CCSER1: variants seen among roughly 807,000 people sequenced by gnomAD.
CCSER1 encodes serine-rich coiled-coil domain-containing protein 1.
Under a neutral mutation model 82.0 loss-of-function variants are expected in CCSER1, and 41 were observed. That is an observed-to-expected ratio of 0.50 (90% CI 0.39 to 0.65). The LOEUF (loss-of-function observed/expected upper bound fraction) is 0.65. Among genes scored for constraint, CCSER1 ranks in the 30% least tolerant of loss-of-function variants. The pLI is 0.00. For synonymous variants in CCSER1, 414 were observed against 383.9 expected (o/e 1.08, Z -0.92); for missense variants, 1,119 against 1,064.2 (o/e 1.05, Z -0.72).
intron 1 of CCSER1, among the ~76,000 whole-genome samples, chr4:90,181,248 C>A (rs1733680467): frequency 6.6e-6 from 1 of 152,076 alleles, no homozygotes. Flanking sequence ...TTTCCTTGTA[C>A]AAAGTAAGCA....
chr4:90,495,240 A>G (rs1253779720), intron 5 of CCSER1, among the ~76,000 whole-genome samples: 2 of 152,146 alleles, frequency 1.3e-5, no homozygotes, highest in East Asian at 1.9e-4. Flanking sequence ...CTCAAAACCA[A>G]CCTTGTTGAA....
chr4:91,588,334 G>C (rs1376611874), intron 10 of CCSER1, among the ~76,000 whole-genome samples: 1 of 151,512 alleles, frequency 6.6e-6, no homozygotes, highest in African/African-American at 2.4e-5. Flanking sequence ...TAGGAAAAAA[G>C]TGGTTGGCTA....
chr4:91,490,910 ATATATATATATATAT>A, intron 10 of CCSER1, among the ~76,000 whole-genome samples: 1 of 82,432 alleles, frequency 1.2e-5, no homozygotes, highest in South Asian at 3.9e-4. Flanking sequence ...ATATATATAT[ATATATATATATATAT>A]ATAAAATATG....
intron 10 of CCSER1, among the ~76,000 whole-genome samples, chr4:91,101,518 A>G (rs1581555794): frequency 6.6e-6 from 1 of 151,944 alleles, no homozygotes; most frequent in African/African-American, 2.4e-5. Flanking sequence ...GCCTGTAATC[A>G]CAGCTACTTG....
intron 10 of CCSER1, among the ~76,000 whole-genome samples, chr4:91,500,221 C>T (rs1053482017): frequency 2.0e-5 from 3 of 151,986 alleles, no homozygotes; most frequent in African/African-American, 7.2e-5. Flanking sequence ...GCCCTAATGA[C>T]ATAATATTGA....
intron 4 of CCSER1, among the ~76,000 whole-genome samples, chr4:90,428,396 T>A (rs963993272): frequency 6.6e-6 from 1 of 151,900 alleles, no homozygotes; most frequent in Admixed American, 6.6e-5. Context: ...AATCCATGTA[T>A]AACTTCTGAC....
At chr4:91,050,711 T>C (rs1742935132) in intron 9 of CCSER1, among the ~76,000 whole-genome samples, 2 of 152,148 alleles carry the variant, frequency 1.3e-5, no homozygotes, top group South Asian at 4.1e-4. Flanking sequence ...AGAACTATCA[T>C]AGAAATTTAG....
At position 90,803,845 on chromosome 4, in the gene CCSER1, C is replaced by T. The variant is rs1476500596; in HGVS notation, c.2011-11917C>T. ...TCCCACCAACAGTGTAAAAGTTTTCCTATTTCTCCACATCTTCTCCAGCAT... is the reference window on the plus strand; with the variant it reads ...TCCCACCAACAGTGTAAAAGTTTTCTTATTTCTCCACATCTTCTCCAGCAT... On this transcript the variant is annotated intron_variant, in intron 7 of 10. Transcript: ENST00000509176. Among the ~76,000 whole-genome samples, 3 of 152,160 alleles carry T rather than the reference C, an allele frequency of 2.0e-5. No individual in the cohort carries two copies. In the East Asian group the frequency reaches 5.8e-4, roughly 29 times the overall value.
intron 10 of CCSER1, among the ~76,000 whole-genome samples, chr4:91,530,491 A>T (rs1760972957): frequency 6.6e-6 from 1 of 152,078 alleles, no homozygotes; most frequent in Non-Finnish European, 1.5e-5. Context: ...TTCATGCCAG[A>T]CAAGTTGTAC....
chr4:90,866,865 C>T (rs1315580286), intron 8 of CCSER1, among the ~76,000 whole-genome samples: 1 of 151,934 alleles, frequency 6.6e-6, no homozygotes, highest in Non-Finnish European at 1.5e-5. Context: ...ACCTAAATCC[C>T]TTGTATATCC....
intron 4 of CCSER1, among the ~76,000 whole-genome samples, chr4:90,429,339 T>C (rs1021470546): frequency 5.3e-5 from 8 of 151,796 alleles, no homozygotes; most frequent in Non-Finnish European, 1.0e-4. Flanking sequence ...GCTGTTTGGA[T>C]GGCACAGTCT....
chr4:90,191,235 G>T (rs1315595883), intron 1 of CCSER1, among the ~76,000 whole-genome samples: 3 of 151,792 alleles, frequency 2.0e-5, no homozygotes, highest in Non-Finnish European at 4.4e-5. Context: ...AAGAATTGAT[G>T]AGTCTTCTTT....
At chr4:90,737,452 C>T (rs1475920979) in intron 7 of CCSER1, among the ~76,000 whole-genome samples, 1 of 152,086 alleles carries the variant, frequency 6.6e-6, no homozygotes, top group East Asian at 1.9e-4. Flanking sequence ...ATTTCCTGGC[C>T]TGTAAGGTTT....
intron 9 of CCSER1, among the ~76,000 whole-genome samples, chr4:91,058,997 G>T (rs1338824092): frequency 1.3e-5 from 2 of 151,840 alleles, no homozygotes; most frequent in Non-Finnish European, 2.9e-5. Context: ...CAAAGCACAA[G>T]ATACCAAATC....
At chr4:91,443,456 G>T (rs890286588) in intron 10 of CCSER1, among the ~76,000 whole-genome samples, 1 of 142,556 alleles carries the variant, frequency 7.0e-6, no homozygotes, top group East Asian at 2.1e-4. Flanking sequence ...ATTGAACAAT[G>T]AGAACACATG....
At chr4:91,453,596 T>G (rs1363444879) in intron 10 of CCSER1, among the ~76,000 whole-genome samples, 2 of 152,042 alleles carry the variant, frequency 1.3e-5, no homozygotes. Context: ...ATCAATGATG[T>G]GTACTGAGTT....
At chr4:90,256,082 T>C (rs1723231461) in intron 1 of CCSER1, among the ~76,000 whole-genome samples, 1 of 152,148 alleles carries the variant, frequency 6.6e-6, no homozygotes, top group South Asian at 2.1e-4. Context: ...TTCTTCATCT[T>C]ATATAATTTG....
At chr4:90,204,829 G>T (rs1395437343) in intron 1 of CCSER1, among the ~76,000 whole-genome samples, 7 of 152,142 alleles carry the variant, frequency 4.6e-5, no homozygotes, top group Admixed American at 3.9e-4. Context: ...CCATGAGCAT[G>T]GGATGTTTTT....
intron 3 of CCSER1, among the ~76,000 whole-genome samples, chr4:90,320,766 C>A (rs746928431): frequency 8.5e-5 from 13 of 152,052 alleles, no homozygotes; most frequent in African/African-American, 2.9e-4. Flanking sequence ...TGAGATGAGT[C>A]ATTTTCATTT....
Sources: allele counts gnomAD v4.1 joint callset (sites outside exome capture counted in the v4.1 genomes callset), GRCh38; gene constraint gnomAD v4.1.1; transcripts MANE v1.5; gene names NCBI Gene and HGNC (gene_info 2026-07-23, HGNC 2026-07-21).